Variants in LARS2 observed in about 807,000 individuals in gnomAD.
LARS2 encodes the protein leucyl-tRNA synthetase 2, mitochondrial.
A neutral mutation model predicts 116.6 loss-of-function variants in LARS2; 81 were observed. The observed-to-expected ratio is 0.69, with a 90% CI of 0.58 to 0.84. The LOEUF (loss-of-function observed/expected upper bound fraction) is 0.84. Ranked by LOEUF, LARS2 falls within the 40% of genes least tolerant of loss-of-function variation. LARS2 has a pLI of 0.00. For synonymous variants in LARS2, 396 were observed against 407.2 expected (o/e 0.97, Z 0.33); for missense variants, 968 against 1,114.5 (o/e 0.87, Z 1.87).
At chr3:45,511,464 T>TA (rs1272578664) in intron 15 of LARS2, among the ~76,000 whole-genome samples, 1 of 152,182 alleles carries the variant, frequency 6.6e-6, no homozygotes, top group Non-Finnish European at 1.5e-5. Flanking sequence ...CACGTTCTGC[T>TA]AATTGGGCTG....
intron 3 of LARS2, among the ~76,000 whole-genome samples, chr3:45,397,846 C>T (rs1575227804): frequency 6.6e-6 from 1 of 152,160 alleles, no homozygotes; most frequent in Admixed American, 6.5e-5. Flanking sequence ...CCTCCTTGGA[C>T]GACTTGCTCA....
intron 20 of LARS2, among the ~76,000 whole-genome samples, chr3:45,533,879 C>T (rs543981587): frequency 6.1e-4 from 93 of 152,316 alleles, no homozygotes; most frequent in Middle Eastern, 3.4e-3. Flanking sequence ...TTTTTCTACA[C>T]GTCACCCCAC....
intron 4 of LARS2, among the ~76,000 whole-genome samples, 190 bp downstream of exon 4, chr3:45,400,563 T>C (rs1698128872): frequency 6.6e-6 from 1 of 152,166 alleles, no homozygotes; most frequent in Non-Finnish European, 1.5e-5. Context: ...TCTAGGTTAA[T>C]TGGGGGGCAG....
intron 6 of LARS2, among the ~76,000 whole-genome samples, chr3:45,442,550 A>T (rs553053933): frequency 2.6e-5 from 4 of 152,324 alleles, no homozygotes; most frequent in African/African-American, 9.6e-5. Flanking sequence ...TCAACCACTT[A>T]TTACCAGTGA....
At chr3:45,475,334 A>G (rs1699593835) in intron 9 of LARS2, among the ~76,000 whole-genome samples, 1 of 152,218 alleles carries the variant, frequency 6.6e-6, no homozygotes. Flanking sequence ...AACTGCAAAC[A>G]TGGAAAGCCT....
chr3:45,437,741 A>C (rs1183445543), intron 6 of LARS2, among the ~76,000 whole-genome samples: 2 of 152,204 alleles, frequency 1.3e-5, no homozygotes, highest in Non-Finnish European at 2.9e-5. Flanking sequence ...GTTACTTTGC[A>C]TCTTAATTCT....
intron 5 of LARS2, 113 bp from the exon 6 acceptor site, chr3:45,419,556 A>G: frequency 1.2e-6 from 1 of 813,434 alleles, no homozygotes; most frequent in Non-Finnish European, 2.0e-6. Context: ...AACACTTAAA[A>G]CCCATTTGAA....
In LARS2 at chr3:45,549,279, C is replaced by G. The variant is rs143374157; in HGVS notation, c.*1749C>G. The stretch of plus-strand genomic sequence containing the variant: ...TCAGGTTAGCGGGGATAAGTTTGGT[C>G]CAGGACCAAGAGTTGGACCAAAAGG... On this transcript the variant is annotated 3_prime_UTR_variant, in exon 22 of 22. Coordinates refer to ENST00000645846, the MANE Select transcript of LARS2 (RefSeq NM_015340.4). 1.4e-4 allele frequency: 21 copies of G among 152,278 alleles called. No homozygotes were observed. Among genetic ancestry groups the G allele is most frequent in the African/African-American group, 5.1e-4 (21 of 41,556 alleles). 9.4% of individuals were successfully genotyped at this position (152,278 alleles called of 1,614,324 possible).
At chr3:45,399,620 T>C (rs1287640404) in intron 3 of LARS2, among the ~76,000 whole-genome samples, 1 of 152,200 alleles carries the variant, frequency 6.6e-6, no homozygotes, top group Admixed American at 6.5e-5. Context: ...CGGGTCTGCA[T>C]TGGGACCGCT....
In LARS2 at chr3:45,500,517, G is replaced by T; in HGVS notation, c.1698G>T (p.Met566Ile). The change falls in exon 15 of 22, where the codon ATG becomes ATT. Residue 566 changes from methionine to isoleucine, a missense_variant. Transcript: ENST00000645846. ...TTGGAGGGAAAGAACATGCCGTCAT[G>T]CACTTGTTCTATGCAAGATTCTTTA... ...LYIGGKEHAV[M>I]HLFYARFFSH... is the part of the protein sequence containing the mutation. 1 of 1,586,278 alleles carries T rather than the reference G, an allele frequency of 6.3e-7. No individual in the cohort carries two copies. The highest frequency in any genetic ancestry group is 8.5e-7 in the Non-Finnish European group (1 of 1,169,762).
Position 45,491,603 on chromosome 3 carries a change from T to C in LARS2, c.1326T>C (p.Asp442=), listed in dbSNP as rs1559486107. 6.2e-7 allele frequency: 1 copy of C among 1,614,200 alleles called. No individual in the cohort carries two copies. The highest frequency in any genetic ancestry group is 1.1e-5 in the South Asian group (1 of 91,086). ...GKRVGGDVTS[D]KLKDWLISRQ... ...GAGTGGGTGGAGACGTGACAAGTGA[T>C]AAACTGAAAGACTGGCTGATTTCAC... The change falls in exon 13 of 22, where the codon GAT becomes GAC. Residue 442 remains aspartate, a synonymous_variant. Transcript: ENST00000645846.
chr3:45,494,924 C>T (rs1014116952), intron 13 of LARS2, among the ~76,000 whole-genome samples: 5 of 152,116 alleles, frequency 3.3e-5, no homozygotes, highest in African/African-American at 1.2e-4. Context: ...AAAAATTAGC[C>T]GGGCATCATG....
At chr3:45,545,709 T>C (rs892109964) in intron 21 of LARS2, among the ~76,000 whole-genome samples, 1 of 152,148 alleles carries the variant, frequency 6.6e-6, no homozygotes, top group African/African-American at 2.4e-5. Context: ...CAAGAATGAC[T>C]CAGGTCCCTT....
At chr3:45,542,972 TAA>T (rs1397176575) in intron 21 of LARS2, among the ~76,000 whole-genome samples, 1 of 152,244 alleles carries the variant, frequency 6.6e-6, no homozygotes, top group African/African-American at 2.4e-5. Flanking sequence ...AGGGAGGGCA[TAA>T]CCCCACAGAG....
Position 45,520,265 on chromosome 3 carries a change from C to G in LARS2, c.2261C>G (p.Ser754Cys), listed in dbSNP as rs1190211862. Residue 754 changes from serine to cysteine, a missense_variant, in exon 19 of 22, where the codon TCT (serine) becomes TGT (cysteine). Transcript: ENST00000645846. ...TEDFSLNSAI[S>C]QLMGLSNALS... ...GACTTCTCACTGAATTCTGCAATTT[C>G]TCAGCTGATGGGACTCAGCAATGCC... The G allele has an allele frequency of 6.2e-7, 1 of 1,613,576 alleles. No homozygotes were observed. Among genetic ancestry groups the G allele is most frequent in the East Asian group, 2.2e-5 (1 of 44,896 alleles).
rs1386996787 is a variant in LARS2 at position 45,534,837 on chromosome 3, A to T, written c.2405-6992A>T. ...CAGACCCAGCGTCTTGGCAGTTTGC[A>T]AACAGGATGAGGAAATCTTTTTTTC... On this transcript the variant is annotated intron_variant, in intron 20 of 21. Transcript: ENST00000645846. Among the ~76,000 whole-genome samples the T allele has an allele frequency of 2.0e-5, 3 of 152,262 alleles. No homozygotes were observed. The East Asian group carries it at 5.8e-4, about 29-fold the overall frequency.
chr3:45,452,977 T>C (rs1241550067), intron 7 of LARS2, among the ~76,000 whole-genome samples: 2 of 152,182 alleles, frequency 1.3e-5, no homozygotes, highest in Non-Finnish European at 2.9e-5. Context: ...TAATAGTCTC[T>C]AATGATCCTT....
chr3:45,501,292 A>G (rs974107220), intron 15 of LARS2, among the ~76,000 whole-genome samples: 4 of 150,324 alleles, frequency 2.7e-5, no homozygotes, highest in African/African-American at 9.7e-5. Flanking sequence ...CCTCGCCCCT[A>G]GCTAATACCG....
intron 4 of LARS2, among the ~76,000 whole-genome samples, chr3:45,405,875 G>C (rs931368326): frequency 2.3e-4 from 35 of 152,242 alleles, no homozygotes; most frequent in African/African-American, 7.7e-4. Flanking sequence ...CTGGGAGAAG[G>C]GGGTATAGTG....
Sources: gnomAD v4.1 joint callset for allele counts (sites outside exome capture counted in the v4.1 genomes callset) on GRCh38, gnomAD v4.1.1 for gene constraint, MANE v1.5 for transcripts, NCBI Gene and HGNC (gene_info 2026-07-23, HGNC 2026-07-21) for gene names.